The following MAP4 variants were observed in gnomAD, a reference collection of about 807,000 sequenced individuals.
MAP4 encodes the protein microtubule-associated protein 4.
Under a neutral mutation model 170.2 loss-of-function variants are expected in MAP4, and 76 were observed. That is an observed-to-expected ratio of 0.45 (90% confidence interval 0.37 to 0.54). The LOEUF (loss-of-function observed/expected upper bound fraction) is 0.54. Ranked by LOEUF, MAP4 falls within the 20% of genes least tolerant of loss-of-function variation. The pLI, the probability that MAP4 is intolerant of heterozygous loss-of-function variation, is 0.00. For missense variants in MAP4, 2,506 were observed against 2,748.0 expected (o/e 0.91, Z 1.97); for synonymous variants, 909 against 994.5 (o/e 0.91, Z 1.62).
At chr3:47,885,061 G>A (rs965508689) in intron 10 of MAP4, among the ~76,000 whole-genome samples, 6 of 152,170 alleles carry the variant, frequency 3.9e-5, no homozygotes, top group African/African-American at 7.2e-5. Context: ...GTGAAACAGG[G>A]CTCACCATTA....
intron 1 of MAP4, among the ~76,000 whole-genome samples, chr3:48,025,915 T>C (rs1353344293): frequency 1.4e-5 from 2 of 146,952 alleles, no homozygotes. Context: ...ATAATAATAA[T>C]AATAATAATA....
At chr3:48,052,123 C>T (rs901173867) in intron 1 of MAP4, among the ~76,000 whole-genome samples, 16 of 152,186 alleles carry the variant, frequency 1.1e-4, no homozygotes, top group African/African-American at 1.2e-4. Flanking sequence ...TCTACCCCTA[C>T]GCCAACTGAG....
In MAP4 at chr3:47,852,478, T is replaced by C. The variant is rs770468402; in HGVS notation, c.*456A>G. 2.9e-6 allele frequency: 1 copy of C among 346,788 alleles called. No homozygotes were observed. Among genetic ancestry groups the C allele is most frequent in the Non-Finnish European group, 5.3e-6 (1 of 189,980 alleles). The allele number at this position is 346,788 out of a possible 1,614,324, so 21.5% of individuals were successfully genotyped here. Reference sequence around the variant, plus strand: ...CTCGGAATCCACCTCCACTCTTCCCTCCAGGTAGATCCAGGGAGAAGGGAG... The same window carrying C: ...CTCGGAATCCACCTCCACTCTTCCCCCCAGGTAGATCCAGGGAGAAGGGAG... On this transcript the variant is annotated 3_prime_UTR_variant, in exon 21 of 21. Transcript: ENST00000683076.
intron 9 of MAP4, among the ~76,000 whole-genome samples, chr3:47,907,505 C>G (rs1378055721): frequency 6.6e-6 from 1 of 152,030 alleles, no homozygotes; most frequent in African/African-American, 2.4e-5. Flanking sequence ...AATTTTGTCC[C>G]AAACCCATTA....
chr3:47,887,313 C>T (rs924201706), intron 10 of MAP4, among the ~76,000 whole-genome samples: 2 of 152,246 alleles, frequency 1.3e-5, no homozygotes, highest in African/African-American at 2.4e-5. Flanking sequence ...GCCAGCCAGC[C>T]CTGCTGGCCC....
At chr3:47,864,909 AT>A (rs1170909027) in intron 17 of MAP4, among the ~76,000 whole-genome samples, 1 of 152,120 alleles carries the variant, frequency 6.6e-6, no homozygotes, top group Non-Finnish European at 1.5e-5. Flanking sequence ...TGGGGGGCTC[AT>A]CATTTTAAAC....
At chr3:47,869,739 A>C (rs1252042948) in intron 15 of MAP4, among the ~76,000 whole-genome samples, 1 of 152,136 alleles carries the variant, frequency 6.6e-6, no homozygotes, top group Non-Finnish European at 1.5e-5. Context: ...TACTGATAGA[A>C]AGTGTCAGAC....
intron 10 of MAP4, chr3:47,891,417 C>G: frequency 3.9e-6 from 6 of 1,535,752 alleles, no homozygotes; most frequent in Non-Finnish European, 5.2e-6. Context: ...TCCTCACCCA[C>G]AGTCATGGAG....
chr3:47,933,403 AT>A (rs2100050966), intron 3 of MAP4, among the ~76,000 whole-genome samples: 1 of 152,032 alleles, frequency 6.6e-6, no homozygotes, highest in African/African-American at 2.4e-5. Flanking sequence ...CAACAGGTAA[AT>A]TTTTGGGTAT....
chr3:48,072,983 C>A (rs931574606), intron 1 of MAP4, among the ~76,000 whole-genome samples: 35 of 150,228 alleles, frequency 2.3e-4, no homozygotes, highest in South Asian at 6.3e-4. Context: ...GTAATCCCAG[C>A]ACTTTGGGAG....
intron 1 of MAP4, among the ~76,000 whole-genome samples, chr3:48,010,318 A>G (rs2100104580): frequency 6.6e-6 from 1 of 152,230 alleles, no homozygotes; most frequent in African/African-American, 2.4e-5. Context: ...TGTAACTGCC[A>G]TGAGTATTTC....
chr3:47,948,455 C>T (rs1159569149), intron 3 of MAP4, among the ~76,000 whole-genome samples: 1 of 151,692 alleles, frequency 6.6e-6, no homozygotes, highest in Non-Finnish European at 1.5e-5. Context: ...AACTCCTGGG[C>T]TCAAGCAATC....
At chr3:48,057,680 A>G (rs2100132979) in intron 1 of MAP4, among the ~76,000 whole-genome samples, 1 of 151,446 alleles carries the variant, frequency 6.6e-6, no homozygotes. Context: ...CGACTACCAT[A>G]TGGCCTAGCA....
At chr3:47,936,223 C>T (rs1009447545) in intron 3 of MAP4, among the ~76,000 whole-genome samples, 1 of 151,708 alleles carries the variant, frequency 6.6e-6, no homozygotes, top group Non-Finnish European at 1.5e-5. Context: ...CACTTGAGGC[C>T]AGAAGTTTGG....
intron 1 of MAP4, among the ~76,000 whole-genome samples, chr3:48,006,096 A>G (rs1424581532): frequency 2.0e-5 from 3 of 152,196 alleles, no homozygotes; most frequent in Non-Finnish European, 4.4e-5. Flanking sequence ...ATACAAACAC[A>G]AAACTTCTAG....
intron 2 of MAP4, among the ~76,000 whole-genome samples, chr3:47,996,537 G>C (rs961003483): frequency 3.9e-5 from 6 of 152,132 alleles, no homozygotes; most frequent in African/African-American, 1.4e-4. Flanking sequence ...CAGGGCCTCA[G>C]TCCCCACTCT....
At chr3:47,956,808 G>GA (rs1170006069) in intron 3 of MAP4, among the ~76,000 whole-genome samples, 3 of 152,256 alleles carry the variant, frequency 2.0e-5, no homozygotes, top group Admixed American at 1.3e-4. Flanking sequence ...AAAACCCATG[G>GA]AAAAAATCAT....
At chr3:48,059,278 G>C (rs2100133872) in intron 1 of MAP4, among the ~76,000 whole-genome samples, 1 of 151,954 alleles carries the variant, frequency 6.6e-6, no homozygotes, top group Non-Finnish European at 1.5e-5. Flanking sequence ...ACTTTGGGAG[G>C]CCAAGGTGGG....
intron 2 of MAP4, among the ~76,000 whole-genome samples, chr3:47,988,805 A>C (rs1353878084): frequency 2.0e-5 from 3 of 151,732 alleles, no homozygotes; most frequent in Non-Finnish European, 4.4e-5. Flanking sequence ...CAGAAAGAAC[A>C]GGGGTTTATT....
Sources: gnomAD v4.1 joint callset for allele counts (sites outside exome capture counted in the v4.1 genomes callset) on GRCh38, gnomAD v4.1.1 for gene constraint, MANE v1.5 for transcripts, NCBI Gene and HGNC (gene_info 2026-07-23, HGNC 2026-07-21) for gene names.